The following PLEKHA6 variants were observed in gnomAD, a reference collection of about 807,000 sequenced individuals.
The protein encoded by PLEKHA6 is pleckstrin homology domain-containing family A member 6.
Under a neutral mutation model 116.7 loss-of-function variants are expected in PLEKHA6, and 60 were observed. The observed-to-expected ratio is 0.51, with a 90% CI of 0.42 to 0.64. The LOEUF is 0.64. PLEKHA6 is among the 30% of genes least tolerant of loss of function. The pLI, the probability that PLEKHA6 is intolerant of heterozygous loss-of-function variation, is 0.00. For synonymous variants in PLEKHA6, 489 were observed against 556.1 expected (o/e 0.88, Z 1.70); for missense variants, 1,338 against 1,422.7 (o/e 0.94, Z 0.96).
chr1:204,294,047 G>A (rs938830788), intron 1 of PLEKHA6, among the ~76,000 whole-genome samples: 5 of 152,232 alleles, frequency 3.3e-5, no homozygotes, highest in African/African-American at 1.2e-4. Context: ...GGTTATGCAA[G>A]AGAATGTCCT....
chr1:204,371,672 C>G (rs1021421888), intron 1 of PLEKHA6: 2 of 152,220 alleles, frequency 1.3e-5, no homozygotes, highest in Non-Finnish European at 2.9e-5. Flanking sequence ...ACACTCATCT[C>G]CAGATTCACA....
At chr1:204,324,288 A>C (rs1672166514) in intron 1 of PLEKHA6, among the ~76,000 whole-genome samples, 1 of 152,104 alleles carries the variant, frequency 6.6e-6, no homozygotes. Flanking sequence ...GATGGAAGGA[A>C]ATTTTTAGTA....
At chr1:204,352,184 G>A (rs1180744997) in intron 1 of PLEKHA6, among the ~76,000 whole-genome samples, 1 of 151,934 alleles carries the variant, frequency 6.6e-6, no homozygotes, top group East Asian at 1.9e-4. Flanking sequence ...GACCAGCCTG[G>A]CCAACATGGT....
At chr1:204,246,342 A>ATCTATTTAGTAAGCAGCATTC in intron 13 of PLEKHA6, among the ~76,000 whole-genome samples, 1 of 152,152 alleles carries the variant, frequency 6.6e-6, no homozygotes, top group African/African-American at 2.4e-5. Flanking sequence ...ACCCAAGGCC[A>ATCTATTTAGTAAGCAGCATTC]TCTATTTAGT....
At chr1:204,280,567 T>A in intron 1 of PLEKHA6, 2 of 478,446 alleles carry the variant, frequency 4.2e-6, no homozygotes, top group Non-Finnish European at 5.5e-6. Context: ...CTTCCAGCAT[T>A]ACAGCTCATT....
At position 204,311,080 on chromosome 1, in the gene PLEKHA6, C is replaced by T. The variant is rs138434636; in HGVS notation, c.-94-36271G>A. On this transcript the variant is annotated intron_variant, in intron 1 of 22. Transcript: ENST00000272203. ...GCATTAAGCAGTCTGCCCTCCCAGC[C>T]GGTGCAGGAAAAGGCCTCAGCAACC... Among the ~76,000 whole-genome samples the T allele has an allele frequency of 1.6e-3, 242 of 152,270 alleles. 2 individuals carry two copies. Among genetic ancestry groups the T allele is most frequent in the Middle Eastern group, 6.8e-3 (2 of 294 alleles).
intron 1 of PLEKHA6, among the ~76,000 whole-genome samples, chr1:204,292,405 C>T (rs192430009): frequency 1.3e-5 from 2 of 152,268 alleles, no homozygotes; most frequent in Middle Eastern, 3.4e-3. Context: ...AACCTCAGTC[C>T]GAAGCTCTTT....
At position 204,223,683 on chromosome 1, in the gene PLEKHA6, C is replaced by T; in HGVS notation, c.3032-98G>A. On this transcript the variant is annotated intron_variant, in intron 21 of 22. Coordinates refer to ENST00000272203, the MANE Select transcript of PLEKHA6 (RefSeq NM_014935.5). This position sits in a 1 kb window ranked among gnomAD's most constrained non-coding sequence, Gnocchi z 4.8. Reference sequence around the variant, plus strand: ...GGCCCTCCCCAGGCAGGGAGTGAGGCAGGGAGGCAAGCGAAGAGAGAGCAC... The same window carrying T: ...GGCCCTCCCCAGGCAGGGAGTGAGGTAGGGAGGCAAGCGAAGAGAGAGCAC... 1.6e-6 allele frequency: 1 copy of T among 643,294 alleles called. No homozygotes were observed. The highest frequency in any genetic ancestry group is 2.8e-6 in the Non-Finnish European group (1 of 353,174). The allele number at this position is 643,294 out of a possible 1,614,324, so 39.8% of individuals were successfully genotyped here.
At position 204,244,933 on chromosome 1, in the gene PLEKHA6, G is replaced by A. The variant is rs760032560; in HGVS notation, c.2103C>T (p.Thr701=). The change falls in exon 15 of 23, where the codon ACC becomes ACT. Residue 701 remains threonine, a synonymous_variant. Transcript: ENST00000272203. The part of the protein sequence containing the change: ...PASPLSSASL[T]SPLSPFSLVS... ...CCAGTGAAAAGGGGCTCAGGGGGCT[G>A]GTGAGGCTGGCAGAGCTGAGGGGGC... 1 of 1,511,662 alleles carries A rather than the reference G, an allele frequency of 6.6e-7. No homozygotes were observed. The highest frequency in any genetic ancestry group is 1.3e-5 in the South Asian group (1 of 79,484). The allele number at this position is 1,511,662 out of a possible 1,614,324, so 93.6% of individuals were successfully genotyped here. A position where few individuals can be genotyped will look rare whatever the true frequency, so the allele number is the denominator to read the frequency against.
At chr1:204,318,837 C>T (rs1013908102) in intron 1 of PLEKHA6, among the ~76,000 whole-genome samples, 9 of 152,178 alleles carry the variant, frequency 5.9e-5, no homozygotes, top group Non-Finnish European at 1.2e-4. Context: ...GAGCACGTCT[C>T]GTTTCATTTT....
intron 2 of PLEKHA6, among the ~76,000 whole-genome samples, chr1:204,370,416 G>A (rs60031971): frequency 0.01 from 1,527 of 152,348 alleles, 19 homozygotes; most frequent in African/African-American, 0.033. Context: ...GCTGGAAGGC[G>A]GGAAGGGGAG....
chr1:204,287,561 G>C (rs931485745), intron 1 of PLEKHA6, among the ~76,000 whole-genome samples: 3 of 151,994 alleles, frequency 2.0e-5, no homozygotes, highest in Non-Finnish European at 4.4e-5. Context: ...AGTTCTCCCC[G>C]CAACTCTCTG....
At position 204,230,483 on chromosome 1, in the gene PLEKHA6, TCCC is replaced by T. The variant is rs773748090; in HGVS notation, c.2510_2512del (p.Arg837_Glu838delinsLys). On this transcript the variant is annotated inframe_deletion, in exon 18 of 23. Coordinates refer to ENST00000272203, the MANE Select transcript of PLEKHA6 (RefSeq NM_014935.5). The stretch of plus-strand genomic sequence containing the variant: ...CGGGAGCTGCAGGCTCCTCCGCTTC[TCCC>T]TCATGGAGCCACTCTGGTGCCGCCG... The T allele has an allele frequency of 4.4e-6, 7 of 1,584,174 alleles. No individual in the cohort carries two copies. In the African/African-American group the frequency reaches 8.0e-5, roughly 18 times the overall value.
chr1:204,354,234 C>T lies in PLEKHA6; in HGVS notation c.-95+5460G>A, dbSNP rs576563706. The stretch of plus-strand genomic sequence containing the variant: ...TGCAGAAGTGGAGCTCCGACTAACC[C>T]GAGGAAGACATAGCTGAAACCAGGG... On this transcript the variant is annotated intron_variant, in intron 1 of 22. Coordinates refer to ENST00000272203, the MANE Select transcript of PLEKHA6 (RefSeq NM_014935.5). Among the ~76,000 whole-genome samples, 71 of 152,230 alleles carry T rather than the reference C, an allele frequency of 4.7e-4. 1 individual carries two copies. In the South Asian group the frequency reaches 0.014, roughly 30 times the overall value.
At chr1:204,376,731 G>A (rs1673876999) in intron 1 of PLEKHA6, among the ~76,000 whole-genome samples, 1 of 152,108 alleles carries the variant, frequency 6.6e-6, no homozygotes. Context: ...GACAAATGAA[G>A]GGGTTGTTTC....
intron 3 of PLEKHA6, among the ~76,000 whole-genome samples, 199 bp from the exon 4 acceptor site, chr1:204,268,511 A>T (rs907878538): frequency 6.6e-6 from 1 of 151,430 alleles, no homozygotes; most frequent in East Asian, 1.9e-4. Context: ...AATTTTTCTC[A>T]TTTCTAAAAT....
At chr1:204,349,595 T>C (rs1673207444) in intron 1 of PLEKHA6, among the ~76,000 whole-genome samples, 1 of 149,896 alleles carries the variant, frequency 6.7e-6, no homozygotes, top group Non-Finnish European at 1.5e-5. Flanking sequence ...GGAATAAAAC[T>C]GGGCAGCAGA....
At chr1:204,294,649 C>T (rs1371354168) in intron 1 of PLEKHA6, among the ~76,000 whole-genome samples, 1 of 152,200 alleles carries the variant, frequency 6.6e-6, no homozygotes, top group Non-Finnish European at 1.5e-5. Flanking sequence ...AGATTTTTGG[C>T]TCTGGAGTCA....
In PLEKHA6 at chr1:204,259,184, T is replaced by G; in HGVS notation, c.1007+74A>C. On this transcript the variant is annotated intron_variant, in intron 8 of 22. Transcript: ENST00000272203. This position sits in a 1 kb window ranked among gnomAD's most constrained non-coding sequence, Gnocchi z 4.6. ...AAGGTTTCCAACAGGGGATGCCTCG[T>G]GGGCTATGACCCCACTCGCACGCTC... The G allele has an allele frequency of 6.6e-7, 1 of 1,510,126 alleles. No homozygotes were observed. The highest frequency in any genetic ancestry group is 8.9e-7 in the Non-Finnish European group (1 of 1,118,206). The allele number at this position is 1,510,126 out of a possible 1,614,324, so 93.5% of individuals were successfully genotyped here. A position where few individuals can be genotyped will look rare whatever the true frequency, so the allele number is the denominator to read the frequency against.
Sources: gnomAD v4.1 joint callset for allele counts (sites outside exome capture counted in the v4.1 genomes callset) on GRCh38, gnomAD v4.1.1 for gene constraint, Gnocchi (gnomAD v3.1) non-coding constraint, MANE v1.5 for transcripts, NCBI Gene and HGNC (gene_info 2026-07-23, HGNC 2026-07-21) for gene names.